DPP6: variants seen among roughly 807,000 people sequenced by gnomAD.
DPP6 encodes A-type potassium channel modulatory protein DPP6.
DPP6 carries 69 observed loss-of-function variants against 122.6 expected under a neutral mutation model. That is an observed-to-expected ratio of 0.56 (90% CI 0.46 to 0.69). The LOEUF is 0.69. Ranked by LOEUF, DPP6 falls within the 30% of genes least tolerant of loss-of-function variation. The pLI, the probability that DPP6 is intolerant of heterozygous loss-of-function variation, is 0.00. For synonymous variants in DPP6, 418 were observed against 433.1 expected (o/e 0.97, Z 0.43); for missense variants, 928 against 1,116.9 (o/e 0.83, Z 2.41).
chr7:154,033,890 T>A (rs1799384750), intron 1 of DPP6, among the ~76,000 whole-genome samples: 1 of 152,118 alleles, frequency 6.6e-6, no homozygotes. Flanking sequence ...CATTCTAGTA[T>A]CACATGGTTT....
Position 154,205,962 on chromosome 7 carries a change from G to A in DPP6, c.243+152899G>A, listed in dbSNP as rs185389348. Reference sequence around the variant, plus strand: ...AGGCTGATGCCCCCAGACCACCCTCGGCCTCTGACCCTTGCCTGAGGCTGG... The same window carrying A: ...AGGCTGATGCCCCCAGACCACCCTCAGCCTCTGACCCTTGCCTGAGGCTGG... On this transcript the variant is annotated intron_variant, in intron 1 of 25. Transcript: ENST00000377770. 2.9e-3 allele frequency among the ~76,000 whole-genome samples: 436 copies of A among 151,926 alleles called. 4 individuals are homozygous for A. The highest frequency in any genetic ancestry group is 9.9e-3 in the African/African-American group (411 of 41,412).
At chr7:154,240,209 G>A (rs1801498127) in intron 1 of DPP6, among the ~76,000 whole-genome samples, 1 of 151,964 alleles carries the variant, frequency 6.6e-6, no homozygotes, top group South Asian at 2.1e-4. Flanking sequence ...TTTCATCTCT[G>A]TATTTAGCTA....
intron 1 of DPP6, among the ~76,000 whole-genome samples, chr7:154,381,147 C>A (rs17174381): frequency 0.032 from 4,937 of 152,186 alleles, 136 homozygotes; most frequent in African/African-American, 0.067. Flanking sequence ...CAGACATTTC[C>A]AGTGGGATCT....
At chr7:153,957,647 ACTTC>A (rs1481521720) in intron 1 of DPP6, among the ~76,000 whole-genome samples, 2 of 152,078 alleles carry the variant, frequency 1.3e-5, no homozygotes, top group Non-Finnish European at 2.9e-5. Context: ...CAACACTGAA[ACTTC>A]CTGGCCTCCA....
intron 7 of DPP6, among the ~76,000 whole-genome samples, chr7:154,696,323 G>A (rs535370969): frequency 8.8e-4 from 134 of 152,296 alleles, no homozygotes; most frequent in African/African-American, 3.2e-3. Context: ...AGAGGGAGAG[G>A]AAAGGTTACA....
At chr7:154,081,563 A>G (rs80092045) in intron 1 of DPP6, among the ~76,000 whole-genome samples, 75,697 of 140,872 alleles carry the variant, frequency 0.54, 19,967 homozygotes, top group South Asian at 0.65. Context: ...TCACTGTGGC[A>G]TGGAGTAGGC....
At chr7:154,623,577 G>GCAA (rs1563025300) in intron 5 of DPP6, among the ~76,000 whole-genome samples, 3 of 149,258 alleles carry the variant, frequency 2.0e-5, no homozygotes, top group African/African-American at 7.4e-5. Context: ...ACACACACAC[G>GCAA]CACGCACACG....
At chr7:154,465,460 A>G (rs1291954121) in intron 2 of DPP6, among the ~76,000 whole-genome samples, 1 of 152,190 alleles carries the variant, frequency 6.6e-6, no homozygotes, top group Non-Finnish European at 1.5e-5. Context: ...CAATCTATCC[A>G]TCTGACAAAG....
At chr7:153,808,411 ATGTGTGTCTGTG>A in the DPP6 span, among the ~76,000 whole-genome samples, 2 of 141,768 alleles carry the variant, frequency 1.4e-5, no homozygotes, top group African/African-American at 6.0e-5. Flanking sequence ...GTGTGCCTGT[ATGTGTGTCTGTG>A]TGTGTGACTG....
intron 1 of DPP6, among the ~76,000 whole-genome samples, chr7:154,221,196 A>G (rs539714906): frequency 1.3e-5 from 2 of 152,288 alleles, no homozygotes; most frequent in East Asian, 1.9e-4. Context: ...GCTGGAGTGC[A>G]GTGGTACGAC....
intron 1 of DPP6, among the ~76,000 whole-genome samples, chr7:154,382,239 G>A (rs953637936): frequency 2.0e-5 from 3 of 151,958 alleles, no homozygotes; most frequent in Non-Finnish European, 1.5e-5. Context: ...CCAGGCTGGA[G>A]TGCAGTGCTG....
intron 17 of DPP6, among the ~76,000 whole-genome samples, chr7:154,864,433 T>A (rs1245755418): frequency 6.6e-6 from 1 of 152,188 alleles, no homozygotes; most frequent in African/African-American, 2.4e-5. Context: ...CCAGATCTGA[T>A]AATAGCTAAT....
chr7:154,750,290 G>A (rs1843312046), intron 8 of DPP6, among the ~76,000 whole-genome samples: 1 of 152,168 alleles, frequency 6.6e-6, no homozygotes, highest in African/African-American at 2.4e-5. Flanking sequence ...GCAGCCTATT[G>A]AAGTGTAGAC....
In DPP6 at chr7:154,452,368, G is replaced by A. The variant is rs2151300572; in HGVS notation, c.358+6040G>A. Among the ~76,000 whole-genome samples the A allele has an allele frequency of 2.0e-5, 3 of 152,276 alleles. No homozygotes were observed. The South Asian group carries it at 6.2e-4, about 32-fold the overall frequency. On this transcript the variant is annotated intron_variant, in intron 2 of 25. Transcript: ENST00000377770. ...CTGAGATCCTCGCCAAGGCAGGAGTGGCTTCCACCGGTGAAAGTGAAAGAT... is the reference window on the plus strand; with the variant it reads ...CTGAGATCCTCGCCAAGGCAGGAGTAGCTTCCACCGGTGAAAGTGAAAGAT...
intron 3 of DPP6, among the ~76,000 whole-genome samples, chr7:154,509,053 G>C (rs10227613): frequency 0.26 from 39,745 of 151,852 alleles, 5,367 homozygotes; most frequent in Non-Finnish European, 0.29. Flanking sequence ...GAGGGATAAA[G>C]CTTTATAACT....
the DPP6 span, among the ~76,000 whole-genome samples, chr7:153,775,740 A>T: frequency 2.0e-5 from 3 of 152,164 alleles, no homozygotes; most frequent in African/African-American, 7.2e-5. Flanking sequence ...AGGTCACAAG[A>T]TTCAAGGTCA....
intron 20 of DPP6, among the ~76,000 whole-genome samples, chr7:154,878,410 C>T (rs1371732340): frequency 2.0e-5 from 3 of 152,228 alleles, no homozygotes; most frequent in Admixed American, 6.5e-5. Context: ...GTGTGGACAA[C>T]GGCAAAGCTT....
At position 154,755,794 on chromosome 7, in the gene DPP6, G is replaced by T. The variant is rs1843633083; in HGVS notation, c.884-13623G>T. ...GGTCAGGATGTTGCCGAGCCCTTGGGTTGGAAGAGGTCGGAGTGGGGCGCG... is the reference window on the plus strand; with the variant it reads ...GGTCAGGATGTTGCCGAGCCCTTGGTTTGGAAGAGGTCGGAGTGGGGCGCG... On this transcript the variant is annotated intron_variant, in intron 8 of 25. Transcript: ENST00000377770. This position sits in a 1 kb window ranked among gnomAD's most constrained non-coding sequence, Gnocchi z 4.7. 6.6e-6 allele frequency among the ~76,000 whole-genome samples: 1 copy of T among 152,238 alleles called. No homozygotes were observed. The highest frequency in any genetic ancestry group is 2.4e-5 in the African/African-American group (1 of 41,460).
intron 7 of DPP6, among the ~76,000 whole-genome samples, chr7:154,673,152 AC>A (rs1474190427): frequency 1.3e-5 from 2 of 152,196 alleles, no homozygotes; most frequent in African/African-American, 4.8e-5. Context: ...CAAGCAACAC[AC>A]CCCTCATTGC....
Sources: allele counts gnomAD v4.1 joint callset (sites outside exome capture counted in the v4.1 genomes callset), GRCh38; gene constraint gnomAD v4.1.1; non-coding constraint Gnocchi (gnomAD v3.1); transcripts MANE v1.5; gene names NCBI Gene and HGNC (gene_info 2026-07-23, HGNC 2026-07-21).